SLC24A2: variants seen among roughly 807,000 people sequenced by gnomAD.
The protein encoded by SLC24A2 is sodium/potassium/calcium exchanger 2.
SLC24A2 carries 36 observed loss-of-function variants against 62.0 expected under a neutral mutation model. That is an observed-to-expected ratio of 0.58 (90% CI 0.44 to 0.77). SLC24A2 has a LOEUF of 0.77. SLC24A2 is among the 30% of genes least tolerant of loss of function. The probability of loss-of-function intolerance (pLI) is 0.00; values close to 1 mark genes in which losing one functional copy is unlikely to be tolerated. For missense variants in SLC24A2, 846 were observed against 817.9 expected, an observed-to-expected ratio of 1.03 and a Z score of -0.42; for synonymous variants, 358 against 294.0, an observed-to-expected ratio of 1.22 and a Z score of -2.23.
At chr9:19,974,910 G>A in the SLC24A2 span, among the ~76,000 whole-genome samples, 1 of 152,214 alleles carries the variant, frequency 6.6e-6, no homozygotes, top group Non-Finnish European at 1.5e-5. Flanking sequence ...CAAGATGGAT[G>A]CCATGGCCAA....
chr9:19,563,468 G>A (rs773116481), intron 7 of SLC24A2, among the ~76,000 whole-genome samples: 16 of 152,270 alleles, frequency 1.1e-4, no homozygotes, highest in Non-Finnish European at 2.1e-4. Context: ...GCACTTAAAT[G>A]TTTGCTTACT....
the SLC24A2 span, among the ~76,000 whole-genome samples, chr9:20,243,270 G>A: frequency 6.6e-6 from 1 of 152,116 alleles, no homozygotes; most frequent in Non-Finnish European, 1.5e-5. Flanking sequence ...TATTTCAAGT[G>A]AGAATGCATA....
chr9:20,125,326 T>G, the SLC24A2 span, among the ~76,000 whole-genome samples: 109 of 152,316 alleles, frequency 7.2e-4, 3 homozygotes, highest in South Asian at 0.011. Flanking sequence ...AGAAGGAAAG[T>G]GACTTGACTA....
At chr9:19,854,988 A>G in the SLC24A2 span, among the ~76,000 whole-genome samples, 2 of 152,182 alleles carry the variant, frequency 1.3e-5, no homozygotes, top group East Asian at 3.8e-4. Context: ...ATTGGTGTAT[A>G]TATATTTAGG....
At chr9:20,144,466 C>A in the SLC24A2 span, among the ~76,000 whole-genome samples, 1 of 152,180 alleles carries the variant, frequency 6.6e-6, no homozygotes, top group Non-Finnish European at 1.5e-5. Flanking sequence ...ACACGTCTTT[C>A]CTGTCGGGCT....
chr9:19,999,987 G>C, the SLC24A2 span, among the ~76,000 whole-genome samples: 8 of 152,306 alleles, frequency 5.3e-5, no homozygotes, highest in Middle Eastern at 3.4e-3. Flanking sequence ...GAGGTTCAGA[G>C]ACTGCAGTCT....
At chr9:19,566,816 C>T (rs375774406) in intron 7 of SLC24A2, among the ~76,000 whole-genome samples, 90 of 152,140 alleles carry the variant, frequency 5.9e-4, no homozygotes, top group East Asian at 2.9e-3. Context: ...TGTAGGGACA[C>T]GGATGAAGCT....
the SLC24A2 span, among the ~76,000 whole-genome samples, chr9:20,189,361 G>A: frequency 1.3e-5 from 2 of 152,150 alleles, no homozygotes; most frequent in African/African-American, 2.4e-5. Flanking sequence ...TGGAGGCTTG[G>A]TGGGGAAAGC....
At chr9:19,586,837 G>A (rs1836390508) in intron 5 of SLC24A2, among the ~76,000 whole-genome samples, 1 of 152,044 alleles carries the variant, frequency 6.6e-6, no homozygotes, top group Non-Finnish European at 1.5e-5. Flanking sequence ...GATACAAATG[G>A]CTCACACAAA....
chr9:19,875,244 T>C, the SLC24A2 span, among the ~76,000 whole-genome samples: 5 of 152,300 alleles, frequency 3.3e-5, no homozygotes, highest in South Asian at 1.0e-3. Context: ...TTTCAAGACT[T>C]GTGTTAAAAA....
intron 2 of SLC24A2, among the ~76,000 whole-genome samples, chr9:19,713,310 CAAGCA>C (rs1402690048): frequency 6.6e-6 from 1 of 152,060 alleles, no homozygotes; most frequent in African/African-American, 2.4e-5. Context: ...ACACATGTCA[CAAGCA>C]GAAAAGCTGT....
upstream of SLC24A2, among the ~76,000 whole-genome samples, chr9:19,792,760 C>CA (rs1425131107): frequency 6.6e-6 from 1 of 151,874 alleles, no homozygotes; most frequent in African/African-American, 2.4e-5. Flanking sequence ...AACCCAGGGA[C>CA]AAAATAAAGT....
the SLC24A2 span, among the ~76,000 whole-genome samples, chr9:20,184,135 A>T: frequency 6.6e-6 from 1 of 152,244 alleles, no homozygotes; most frequent in Non-Finnish European, 1.5e-5. Context: ...TCAAAAGGAG[A>T]CATACAAATG....
At chr9:20,262,599 C>A in the SLC24A2 span, among the ~76,000 whole-genome samples, 3 of 152,222 alleles carry the variant, frequency 2.0e-5, no homozygotes, top group Non-Finnish European at 2.9e-5. Flanking sequence ...CTAATATCTA[C>A]AACTGGGGAG....
intron 9 of SLC24A2, among the ~76,000 whole-genome samples, chr9:19,521,403 GGGCA>G (rs1465647923): frequency 7.2e-5 from 11 of 152,146 alleles, no homozygotes; most frequent in African/African-American, 2.4e-4. Context: ...GGAATCCAGG[GGGCA>G]GCACCTGGCA....
Position 19,510,323 on chromosome 9 carries a change from CAAAT to C in SLC24A2, c.*5826_*5829del, listed in dbSNP as rs1832669334. ...AAAATTATTAAGAGGGTTAAAGACT[CAAAT>C]AAAAATCTAAAGATAATTTTAATTG... On this transcript the variant is annotated 3_prime_UTR_variant, in exon 11 of 11. Transcript: ENST00000341998. 1 of 142,346 alleles carries C rather than the reference CAAAT, an allele frequency of 7.0e-6. No individual in the cohort carries two copies. The highest frequency in any genetic ancestry group is 1.5e-5 in the Non-Finnish European group (1 of 66,392). The allele number at this position is 142,346 out of a possible 1,614,324, so 8.8% of individuals were successfully genotyped here. A position where few individuals can be genotyped will look rare whatever the true frequency, so the allele number is the denominator to read the frequency against.
intron 2 of SLC24A2, among the ~76,000 whole-genome samples, chr9:19,717,322 T>C (rs1820888101): frequency 1.3e-5 from 2 of 152,146 alleles, no homozygotes; most frequent in Non-Finnish European, 2.9e-5. Flanking sequence ...TACACTAAGG[T>C]TCCACAGGAA....
the SLC24A2 span, among the ~76,000 whole-genome samples, chr9:20,070,994 G>C: frequency 6.6e-6 from 1 of 152,194 alleles, no homozygotes; most frequent in African/African-American, 2.4e-5. Context: ...CCTTGATGCT[G>C]TTGTTGTGAT....
the SLC24A2 span, among the ~76,000 whole-genome samples, chr9:19,934,786 G>A: frequency 6.6e-6 from 1 of 152,146 alleles, no homozygotes; most frequent in African/African-American, 2.4e-5. The surrounding 1 kb of genome is among the most constrained non-coding windows in gnomAD (Gnocchi z 4.1). Context: ...ACAGAGTAAC[G>A]AACCGAGCGG....
Sources: gnomAD v4.1 joint callset for allele counts (sites outside exome capture counted in the v4.1 genomes callset) on GRCh38, gnomAD v4.1.1 for gene constraint, Gnocchi (gnomAD v3.1) non-coding constraint, MANE v1.5 for transcripts, NCBI Gene and HGNC (gene_info 2026-07-23, HGNC 2026-07-21) for gene names.